FAM13A: variants seen among roughly 807,000 people sequenced by gnomAD.
FAM13A encodes protein FAM13A.
A neutral mutation model predicts 129.6 loss-of-function variants in FAM13A; 76 were observed. The observed-to-expected ratio is 0.59, with a 90% CI of 0.49 to 0.71. The LOEUF is 0.71. Among genes scored for constraint, FAM13A ranks in the 30% least tolerant of loss-of-function variants. FAM13A has a pLI of 0.00. For synonymous variants in FAM13A, 443 were observed against 449.9 expected, an observed-to-expected ratio of 0.98 and a Z score of 0.20; for missense variants, 1,108 against 1,249.3, an observed-to-expected ratio of 0.89 and a Z score of 1.70.
rs775770351 is a variant in FAM13A, at chr4:88,906,487, A to T, written c.760-25T>A. On this transcript the variant is annotated intron_variant, in intron 5 of 23. Coordinates refer to ENST00000264344, the MANE Select transcript of FAM13A (RefSeq NM_014883.4). The stretch of plus-strand genomic sequence containing the variant: ...CCTACAAAAGAAGTATAAAGGAAAC[A>T]TTAGAGATTAAAGAACACTTACCCT... The T allele has an allele frequency of 3.3e-6, 5 of 1,505,678 alleles. No homozygotes were observed. The South Asian group carries it at 4.8e-5, about 14-fold the overall frequency. 93.3% of individuals were successfully genotyped at this position (1,505,678 alleles called of 1,614,324 possible).
intron 1 of FAM13A, among the ~76,000 whole-genome samples, chr4:89,045,649 T>G (rs1312030441): frequency 1.3e-5 from 2 of 151,972 alleles, no homozygotes; most frequent in East Asian, 3.9e-4. Flanking sequence ...AAAAGAAAAA[T>G]AAGAGTGGCC....
rs187771877 is a variant in FAM13A, at chr4:89,012,620, A to C, written c.427+7840T>G. 8.5e-5 allele frequency among the ~76,000 whole-genome samples: 13 copies of C among 152,346 alleles called. 1 individual carries two copies. Among genetic ancestry groups the C allele is most frequent in the Admixed American group, 7.2e-4 (11 of 15,308 alleles). On this transcript the variant is annotated intron_variant, in intron 3 of 23. Transcript: ENST00000264344. ...GTTATAGAAATGAATGAATTTAAAC[A>C]GTTTTCTCCCATGGAGGGCCACTGT...
chr4:88,843,133 T>C (rs758772449), intron 7 of FAM13A, among the ~76,000 whole-genome samples: 1 of 152,214 alleles, frequency 6.6e-6, no homozygotes, highest in African/African-American at 2.4e-5. Flanking sequence ...TTTCTTCTAA[T>C]CCAGTTTGAG....
intron 7 of FAM13A, chr4:88,823,198 C>T: frequency 2.1e-6 from 3 of 1,444,956 alleles, no homozygotes; most frequent in Non-Finnish European, 2.7e-6. Context: ...CTTCTTCAGG[C>T]AATGCTATTT....
At chr4:88,763,649 T>A (rs1394370262) in intron 13 of FAM13A, among the ~76,000 whole-genome samples, 1 of 152,216 alleles carries the variant, frequency 6.6e-6, no homozygotes, top group African/African-American at 2.4e-5. Context: ...AAATAGTTGG[T>A]GAATTTTTGT....
chr4:89,023,389 T>C (rs1284183167), intron 2 of FAM13A, among the ~76,000 whole-genome samples: 3 of 152,214 alleles, frequency 2.0e-5, no homozygotes, highest in Non-Finnish European at 4.4e-5. Flanking sequence ...CCTTCTGTTT[T>C]TGGCCTAGCA....
At chr4:88,834,504 T>C (rs138531031) in intron 7 of FAM13A, among the ~76,000 whole-genome samples, 7 of 152,260 alleles carry the variant, frequency 4.6e-5, no homozygotes, top group East Asian at 1.9e-4. Flanking sequence ...AGAAAATGCA[T>C]TGTACTAAGC....
At chr4:88,924,444 G>C (rs1338917949) in intron 5 of FAM13A, among the ~76,000 whole-genome samples, 1 of 152,160 alleles carries the variant, frequency 6.6e-6, no homozygotes, top group Non-Finnish European at 1.5e-5. Context: ...ACAAAAACAA[G>C]AAATGGGGAA....
At chr4:88,789,673 C>T (rs988540402) in intron 9 of FAM13A, among the ~76,000 whole-genome samples, 1 of 152,170 alleles carries the variant, frequency 6.6e-6, no homozygotes, top group Admixed American at 6.6e-5. Context: ...AGCTTACATT[C>T]CCGTAGGGCA....
chr4:88,812,788 C>A (rs2149787853), intron 7 of FAM13A, among the ~76,000 whole-genome samples: 1 of 152,298 alleles, frequency 6.6e-6, no homozygotes, highest in Non-Finnish European at 1.5e-5. Context: ...ACCAAGAACA[C>A]TGCATGTGCT....
intron 4 of FAM13A, among the ~76,000 whole-genome samples, chr4:88,983,118 T>C (rs1045098127): frequency 6.6e-6 from 1 of 152,142 alleles, no homozygotes; most frequent in Admixed American, 6.5e-5. Context: ...CCTACCTTCC[T>C]CTGTTCCTTA....
intron 6 of FAM13A, among the ~76,000 whole-genome samples, chr4:88,867,786 T>C (rs1360914904): frequency 6.6e-6 from 1 of 152,208 alleles, no homozygotes; most frequent in South Asian, 2.1e-4. Context: ...GCACATGTGA[T>C]AGAAATATAA....
chr4:88,971,916 T>C (rs920923800), intron 4 of FAM13A, among the ~76,000 whole-genome samples: 3 of 152,224 alleles, frequency 2.0e-5, no homozygotes, highest in African/African-American at 7.2e-5. Context: ...ATATCAAATT[T>C]AGAAGACCAG....
At chr4:88,782,956 C>CT (rs1410471437) in intron 10 of FAM13A, among the ~76,000 whole-genome samples, 1 of 151,878 alleles carries the variant, frequency 6.6e-6, no homozygotes, top group Non-Finnish European at 1.5e-5. Flanking sequence ...TTTTCCTAGC[C>CT]TTTTTTTCTG....
intron 4 of FAM13A, among the ~76,000 whole-genome samples, chr4:88,986,413 C>T (rs1000528238): frequency 3.3e-5 from 5 of 152,212 alleles, no homozygotes; most frequent in Non-Finnish European, 7.3e-5. Context: ...GGATTACAGG[C>T]ATGAGCCACC....
intron 8 of FAM13A, among the ~76,000 whole-genome samples, chr4:88,797,188 T>A (rs1019310946): frequency 2.0e-5 from 3 of 152,112 alleles, no homozygotes; most frequent in Non-Finnish European, 4.4e-5. Flanking sequence ...TACAAATATG[T>A]TTCTTCATTC....
At chr4:88,739,557 C>G (rs200189590) in intron 19 of FAM13A, among the ~76,000 whole-genome samples, 4 of 150,268 alleles carry the variant, frequency 2.7e-5, no homozygotes, top group African/African-American at 9.8e-5. Context: ...GGCAGATCAC[C>G]TGAGGTGAGG....
chr4:89,015,972 A>G (rs1276532707), intron 3 of FAM13A, among the ~76,000 whole-genome samples: 1 of 152,156 alleles, frequency 6.6e-6, no homozygotes, highest in Admixed American at 6.6e-5. Context: ...ACATACATAC[A>G]TATACACATG....
intron 4 of FAM13A, among the ~76,000 whole-genome samples, chr4:88,952,664 G>C (rs1417662054): frequency 2.0e-5 from 3 of 152,106 alleles, no homozygotes; most frequent in South Asian, 4.1e-4. Flanking sequence ...TAGCAAACTT[G>C]AGGCCCGGTA....
Sources: allele counts gnomAD v4.1 joint callset (sites outside exome capture counted in the v4.1 genomes callset), GRCh38; gene constraint gnomAD v4.1.1; transcripts MANE v1.5; gene names NCBI Gene and HGNC (gene_info 2026-07-23, HGNC 2026-07-21).